CSMD1: variants seen among roughly 807,000 people sequenced by gnomAD.
The protein encoded by CSMD1 is CUB and sushi domain-containing protein 1.
Under a neutral mutation model 417.5 loss-of-function variants are expected in CSMD1, and 213 were observed. The ratio of observed to expected loss-of-function variants is 0.51; its 90% CI spans 0.46 to 0.57. The LOEUF (loss-of-function observed/expected upper bound fraction) is 0.57. Among genes scored for constraint, CSMD1 ranks in the 20% least tolerant of loss-of-function variants. The pLI, the probability that CSMD1 is intolerant of heterozygous loss-of-function variation, is 0.00. For synonymous variants in CSMD1, 2,862 were observed against 1,736.8 expected (o/e 1.65, Z -16.11); for missense variants, 6,923 against 4,529.7 (o/e 1.53, Z -15.17).
chr8:4,920,564 G>A (rs1257179508), intron 1 of CSMD1, among the ~76,000 whole-genome samples: 5 of 152,264 alleles, frequency 3.3e-5, no homozygotes, highest in African/African-American at 1.2e-4. Context: ...GCTCATGCCT[G>A]TAATCCCAGC....
chr8:3,009,704 T>C (rs925595806), intron 52 of CSMD1, among the ~76,000 whole-genome samples: 2 of 152,178 alleles, frequency 1.3e-5, no homozygotes, highest in Non-Finnish European at 1.5e-5. Flanking sequence ...ACTTAGCCCA[T>C]GCATAGATAT....
chr8:3,735,009 G>A (rs573675575), intron 6 of CSMD1, among the ~76,000 whole-genome samples: 1 of 152,216 alleles, frequency 6.6e-6, no homozygotes, highest in African/African-American at 2.4e-5. Flanking sequence ...AGAGAGGAGT[G>A]AGGAGGGAAT....
intron 1 of CSMD1, among the ~76,000 whole-genome samples, chr8:4,915,724 G>T (rs538337845): frequency 6.6e-6 from 1 of 152,306 alleles, no homozygotes; most frequent in African/African-American, 2.4e-5. Context: ...ATTATGTCCG[G>T]GTTTGGAGAC....
chr8:3,324,192 T>TCA (rs1806353607), intron 23 of CSMD1, among the ~76,000 whole-genome samples: 2 of 113,310 alleles, frequency 1.8e-5, no homozygotes, highest in Admixed American at 8.5e-5. Flanking sequence ...CCACCTTTCA[T>TCA]TGTTGTTAAA....
intron 52 of CSMD1, among the ~76,000 whole-genome samples, chr8:3,008,834 C>T (rs899834146): frequency 1.3e-5 from 2 of 152,162 alleles, no homozygotes; most frequent in Admixed American, 6.5e-5. Flanking sequence ...GAGTGACTGA[C>T]GCAAGGTGGA....
intron 1 of CSMD1, among the ~76,000 whole-genome samples, chr8:4,774,738 T>C (rs1356151333): frequency 6.6e-6 from 1 of 152,124 alleles, no homozygotes; most frequent in Non-Finnish European, 1.5e-5. Context: ...TTTGTTGCTA[T>C]TCTCATAACA....
intron 12 of CSMD1, among the ~76,000 whole-genome samples, chr8:3,410,978 C>T (rs1415722208): frequency 6.6e-6 from 1 of 152,118 alleles, no homozygotes; most frequent in Admixed American, 6.5e-5. Flanking sequence ...GCAATCAGCC[C>T]TTCGAAAAGG....
At chr8:4,313,210 A>T (rs1798727970) in intron 3 of CSMD1, among the ~76,000 whole-genome samples, 1 of 152,114 alleles carries the variant, frequency 6.6e-6, no homozygotes, top group Admixed American at 6.5e-5. Context: ...TAATAACAGG[A>T]AAAGCTTAAC....
intron 2 of CSMD1, among the ~76,000 whole-genome samples, chr8:4,630,463 C>G (rs928654609): frequency 2.0e-5 from 3 of 151,896 alleles, no homozygotes; most frequent in Non-Finnish European, 2.9e-5. Flanking sequence ...AAAAACAAAA[C>G]AAAACAAAAA....
intron 2 of CSMD1, among the ~76,000 whole-genome samples, chr8:4,490,184 G>A (rs938880598): frequency 1.1e-4 from 17 of 151,966 alleles, no homozygotes; most frequent in Middle Eastern, 3.4e-3. Flanking sequence ...GGGATTACAG[G>A]TGCCCGCCAC....
intron 3 of CSMD1, among the ~76,000 whole-genome samples, chr8:4,134,798 T>G (rs1803318036): frequency 6.6e-6 from 1 of 152,192 alleles, no homozygotes; most frequent in African/African-American, 2.4e-5. Context: ...CATGAGTGAT[T>G]TATTTTAACA....
chr8:4,722,365 A>T (rs1383338917), intron 1 of CSMD1, among the ~76,000 whole-genome samples: 2 of 152,178 alleles, frequency 1.3e-5, no homozygotes, highest in African/African-American at 4.8e-5. Flanking sequence ...ATCAAAGGCA[A>T]ACTTAACTAA....
At chr8:4,284,549 G>A (rs1448515232) in intron 3 of CSMD1, among the ~76,000 whole-genome samples, 1 of 152,058 alleles carries the variant, frequency 6.6e-6, no homozygotes, top group Admixed American at 6.6e-5. Flanking sequence ...ACTTGCATAT[G>A]CCAGCCCCAA....
At chr8:4,633,244 C>T (rs942490775) in intron 2 of CSMD1, among the ~76,000 whole-genome samples, 6 of 151,600 alleles carry the variant, frequency 4.0e-5, no homozygotes, top group South Asian at 2.1e-4. Flanking sequence ...TTTATGTGTT[C>T]GTTTGTTTCT....
chr8:4,435,918 A>C (rs1216678426), intron 2 of CSMD1, among the ~76,000 whole-genome samples: 1 of 152,174 alleles, frequency 6.6e-6, no homozygotes, highest in African/African-American at 2.4e-5. Context: ...GACGGAAAAT[A>C]ATTAGAATTT....
intron 5 of CSMD1, among the ~76,000 whole-genome samples, chr8:3,958,100 G>A (rs934032604): frequency 1.3e-5 from 2 of 152,056 alleles, no homozygotes; most frequent in African/African-American, 4.8e-5. Context: ...AATGCTACTT[G>A]AAGAAAAAGT....
chr8:4,080,523 G>C (rs1297442983), intron 3 of CSMD1, among the ~76,000 whole-genome samples: 3 of 152,154 alleles, frequency 2.0e-5, no homozygotes, highest in Admixed American at 6.5e-5. Context: ...TACTGATCAA[G>C]ACTGTCTTGT....
At chr8:3,700,003 G>A (rs747776940) in intron 7 of CSMD1, among the ~76,000 whole-genome samples, 1 of 151,978 alleles carries the variant, frequency 6.6e-6, no homozygotes, top group African/African-American at 2.4e-5. Context: ...AGCATCTGTT[G>A]TGTTCCTGAG....
intron 4 of CSMD1, among the ~76,000 whole-genome samples, chr8:4,004,141 A>C (rs111434831): frequency 0.012 from 1,882 of 152,216 alleles, 42 homozygotes; most frequent in African/African-American, 0.043. Context: ...GTTAACTATA[A>C]AGACTAAGAA....
Sources: gnomAD v4.1 joint callset for allele counts (sites outside exome capture counted in the v4.1 genomes callset) on GRCh38, gnomAD v4.1.1 for gene constraint, MANE v1.5 for transcripts, NCBI Gene and HGNC (gene_info 2026-07-23, HGNC 2026-07-21) for gene names.